Variants in CADPS2 observed in about 807,000 individuals in gnomAD.
CADPS2 encodes the protein calcium dependent secretion activator 2, also known as calcium-dependent secretion activator 2.
In CADPS2, 93 loss-of-function variants were observed where a neutral mutation model predicts 172.5. The ratio of observed to expected loss-of-function variants is 0.54; its 90% CI spans 0.46 to 0.64. CADPS2 has a LOEUF of 0.64. Among genes scored for constraint, CADPS2 ranks in the 30% least tolerant of loss-of-function variants. CADPS2 has a pLI of 0.00. For missense variants in CADPS2, 1,420 were observed against 1,565.9 expected (o/e 0.91, Z 1.57); for synonymous variants, 546 against 555.2 (o/e 0.98, Z 0.23).
Position 122,705,946 on chromosome 7 carries a change from A to ATT in CADPS2, c.453+31008_453+31009insAA, listed in dbSNP as rs1430065547. Among the ~76,000 whole-genome samples the ATT allele has an allele frequency of 4.5e-4, 6 of 13,482 alleles. 3 individuals are homozygous for ATT. The highest frequency in any genetic ancestry group is 2.3e-3 in the African/African-American group (6 of 2,572). 8.8% of individuals were successfully genotyped at this position (13,482 alleles called of 152,430 possible). On this transcript the variant is annotated intron_variant, in intron 2 of 29. Coordinates refer to ENST00000449022, the MANE Select transcript of CADPS2 (RefSeq NM_017954.11). ...TAATATATAATATATTATATAATAT[A>ATT]ATATATAATATATATATAATATAAT... is the stretch of plus-strand genomic sequence containing the variant.
chr7:122,610,605 T>C (rs2074175670), intron 6 of CADPS2, among the ~76,000 whole-genome samples: 1 of 152,104 alleles, frequency 6.6e-6, no homozygotes, highest in South Asian at 2.1e-4. Flanking sequence ...AAGTGATATG[T>C]TTAAAAATTG....
At chr7:122,734,265 G>C (rs2091932930) in intron 2 of CADPS2, among the ~76,000 whole-genome samples, 1 of 138,964 alleles carries the variant, frequency 7.2e-6, no homozygotes, top group South Asian at 2.4e-4. Context: ...TGATGTCTGA[G>C]ATTGCTAATA....
chr7:122,380,029 G>T (rs2042804376), intron 24 of CADPS2, among the ~76,000 whole-genome samples: 1 of 151,852 alleles, frequency 6.6e-6, no homozygotes, highest in Non-Finnish European at 1.5e-5. Context: ...AAATTAATAG[G>T]CCATAAAAGG....
intron 27 of CADPS2, among the ~76,000 whole-genome samples, chr7:122,348,801 A>G (rs1440176204): frequency 6.6e-6 from 1 of 152,164 alleles, no homozygotes. Context: ...GTTCTTTAAA[A>G]CACTTTATCT....
chr7:122,624,182 T>C (rs2134053234), intron 4 of CADPS2, among the ~76,000 whole-genome samples: 1 of 152,314 alleles, frequency 6.6e-6, no homozygotes, highest in South Asian at 2.1e-4. Flanking sequence ...AAACTAACTG[T>C]ATATCAGACA....
intron 3 of CADPS2, among the ~76,000 whole-genome samples, chr7:122,660,281 GA>G (rs1339243553): frequency 6.6e-6 from 1 of 152,084 alleles, no homozygotes; most frequent in Non-Finnish European, 1.5e-5. Flanking sequence ...CAGTACACAT[GA>G]AGCCTTATAG....
At chr7:122,596,677 A>G (rs753047182) in intron 6 of CADPS2, among the ~76,000 whole-genome samples, 9 of 152,090 alleles carry the variant, frequency 5.9e-5, no homozygotes, top group Non-Finnish European at 1.0e-4. Flanking sequence ...TGTGCTCTGG[A>G]CATAAAAGGC....
chr7:122,628,498 A>G (rs1393146510), intron 4 of CADPS2, among the ~76,000 whole-genome samples: 1 of 151,928 alleles, frequency 6.6e-6, no homozygotes, highest in Admixed American at 6.6e-5. Context: ...CTAAGCAGAA[A>G]GGAAAGGGAG....
At chr7:122,445,322 G>A (rs969867418) in intron 15 of CADPS2, among the ~76,000 whole-genome samples, 4 of 151,842 alleles carry the variant, frequency 2.6e-5, no homozygotes, top group Non-Finnish European at 5.9e-5. Flanking sequence ...GAGTCTTCTG[G>A]CCCATGAGTA....
At chr7:122,389,132 T>G (rs1346387866) in intron 22 of CADPS2, among the ~76,000 whole-genome samples, 1 of 152,208 alleles carries the variant, frequency 6.6e-6, no homozygotes, top group South Asian at 2.1e-4. Flanking sequence ...AACCAGTACC[T>G]TTGCCGTTAT....
chr7:122,667,404 A>G (rs144198049), intron 2 of CADPS2, among the ~76,000 whole-genome samples: 3,492 of 152,328 alleles, frequency 0.023, 67 homozygotes, highest in Non-Finnish European at 0.037. Context: ...CATTTTTGAA[A>G]CAAGGACACC....
At chr7:122,734,217 AAAATAT>A (rs943512717) in intron 2 of CADPS2, among the ~76,000 whole-genome samples, 3 of 149,992 alleles carry the variant, frequency 2.0e-5, no homozygotes, top group African/African-American at 7.3e-5. Context: ...GACTTATTCT[AAAATAT>A]AAATATATAT....
intron 6 of CADPS2, among the ~76,000 whole-genome samples, chr7:122,610,863 A>G (rs145209126): frequency 6.7e-4 from 102 of 152,236 alleles, no homozygotes; most frequent in East Asian, 3.9e-3. Flanking sequence ...TGTTCTTCCA[A>G]TGGGTTTCAG....
rs1476320685 is a variant in CADPS2 at position 122,858,487 on chromosome 7, T to C, written c.339+27512A>G. ...CAAACACCATCATTTATAAACTGTATGACCTTACTCAGATTGTTTACATTC... is the reference window on the plus strand; with the variant it reads ...CAAACACCATCATTTATAAACTGTACGACCTTACTCAGATTGTTTACATTC... On this transcript the variant is annotated intron_variant, in intron 1 of 29. Transcript: ENST00000449022. 2.0e-5 allele frequency among the ~76,000 whole-genome samples: 3 copies of C among 152,212 alleles called. No homozygotes were observed. The East Asian group carries it at 5.8e-4, about 29-fold the overall frequency.
At chr7:122,586,012 C>T (rs950677440) in intron 6 of CADPS2, among the ~76,000 whole-genome samples, 3 of 151,924 alleles carry the variant, frequency 2.0e-5, no homozygotes, top group African/African-American at 7.2e-5. Flanking sequence ...TAACAGTAAA[C>T]ACTTAAGCAA....
chr7:122,869,773 C>T (rs933816660), intron 1 of CADPS2, among the ~76,000 whole-genome samples: 1 of 151,952 alleles, frequency 6.6e-6, no homozygotes, highest in African/African-American at 2.4e-5. Context: ...TAATAATTTG[C>T]TAACTGACAC....
intron 7 of CADPS2, among the ~76,000 whole-genome samples, chr7:122,560,042 A>G (rs1308529568): frequency 2.0e-5 from 3 of 152,034 alleles, no homozygotes; most frequent in Non-Finnish European, 4.4e-5. Context: ...AAAAAGAGAG[A>G]GGTGACTGGA....
chr7:122,384,179 C>T (rs1221988503), intron 24 of CADPS2, among the ~76,000 whole-genome samples: 2 of 152,062 alleles, frequency 1.3e-5, no homozygotes, highest in African/African-American at 4.8e-5. Flanking sequence ...AAACCCTATT[C>T]TGGGCCTCAG....
chr7:122,614,979 A>C (rs2074730113), intron 6 of CADPS2, among the ~76,000 whole-genome samples: 1 of 152,220 alleles, frequency 6.6e-6, no homozygotes, highest in African/African-American at 2.4e-5. Flanking sequence ...TTTGTACTAC[A>C]CAGGGATTCT....
Sources: allele counts gnomAD v4.1 joint callset (sites outside exome capture counted in the v4.1 genomes callset), GRCh38; gene constraint gnomAD v4.1.1; transcripts MANE v1.5; gene names NCBI Gene and HGNC (gene_info 2026-07-23, HGNC 2026-07-21).